SCFD2: variants seen among roughly 807,000 people sequenced by gnomAD.
SCFD2 encodes the protein sec1 family domain-containing protein 2.
In SCFD2, 54 loss-of-function variants were observed where a neutral mutation model predicts 58.9. That is an observed-to-expected ratio of 0.92 (90% confidence interval 0.74 to 1.15). The LOEUF (loss-of-function observed/expected upper bound fraction) is 1.15, where lower values mean the gene tolerates loss of function less well. Among genes scored for constraint, SCFD2 ranks in the 50% most tolerant of loss-of-function variants. The probability of loss-of-function intolerance (pLI) is 0.00; values close to 1 mark genes in which losing one functional copy is unlikely to be tolerated. For missense variants in SCFD2, 805 were observed against 836.6 expected (o/e 0.96, Z 0.47); for synonymous variants, 321 against 335.9 (o/e 0.96, Z 0.49).
intron 4 of SCFD2, among the ~76,000 whole-genome samples, chr4:53,154,455 C>T (rs1282605168): frequency 1.3e-5 from 2 of 152,194 alleles, no homozygotes; most frequent in Non-Finnish European, 1.5e-5. Flanking sequence ...GTGAGGAGGG[C>T]ACCTAGGAAT....
intron 5 of SCFD2, among the ~76,000 whole-genome samples, chr4:53,022,939 G>A (rs1474669829): frequency 6.6e-6 from 1 of 152,120 alleles, no homozygotes; most frequent in Non-Finnish European, 1.5e-5. Context: ...AATGAATGGG[G>A]CGCCAAGGTA....
At position 53,100,822 on chromosome 4, in the gene SCFD2, A is replaced by T. The variant is rs144026920; in HGVS notation, c.1561+44511T>A. ...CTCTTTTTTAGTGAATGTAGGATAT[A>T]ACCAACGTTAGAAGTAAATTGTAAA... On this transcript the variant is annotated intron_variant, in intron 5 of 8. Transcript: ENST00000401642. 1.1e-4 allele frequency among the ~76,000 whole-genome samples: 16 copies of T among 152,288 alleles called. No individual in the cohort carries two copies. The East Asian group carries it at 2.9e-3, about 28-fold the overall frequency.
intron 6 of SCFD2, among the ~76,000 whole-genome samples, chr4:52,915,024 T>A (rs1719570319): frequency 6.6e-6 from 1 of 152,188 alleles, no homozygotes; most frequent in African/African-American, 2.4e-5. Flanking sequence ...TCTTTTGGGG[T>A]GAACATACTG....
At chr4:53,213,849 C>G (rs1728709111) in intron 4 of SCFD2, among the ~76,000 whole-genome samples, 1 of 152,052 alleles carries the variant, frequency 6.6e-6, no homozygotes, top group African/African-American at 2.4e-5. Context: ...TGTTCCGCTT[C>G]CTGTGTCCAT....
intron 4 of SCFD2, among the ~76,000 whole-genome samples, chr4:53,226,903 G>C (rs1297831581): frequency 6.6e-6 from 1 of 152,148 alleles, no homozygotes; most frequent in Non-Finnish European, 1.5e-5. Context: ...TAACACTCTT[G>C]TACAGTTATC....
chr4:53,005,650 G>A (rs753459468), intron 5 of SCFD2, among the ~76,000 whole-genome samples: 15 of 152,012 alleles, frequency 9.9e-5, no homozygotes, highest in Non-Finnish European at 1.3e-4. Context: ...AAGTCCTTTG[G>A]CCCCTTAAAG....
At chr4:52,924,034 A>G (rs948060585) in intron 5 of SCFD2, among the ~76,000 whole-genome samples, 2 of 152,236 alleles carry the variant, frequency 1.3e-5, no homozygotes, top group East Asian at 3.9e-4. Context: ...AAAAGTTACT[A>G]GTTCTAATAT....
chr4:53,110,328 A>G (rs1725133557), intron 5 of SCFD2, among the ~76,000 whole-genome samples: 1 of 152,206 alleles, frequency 6.6e-6, no homozygotes, highest in South Asian at 2.1e-4. Flanking sequence ...GGAGATAGGC[A>G]TGGGCAAAGA....
chr4:53,328,938 G>A (rs6856562), intron 2 of SCFD2, among the ~76,000 whole-genome samples: 4 of 152,106 alleles, frequency 2.6e-5, no homozygotes, highest in South Asian at 2.1e-4. Context: ...CTTGGGAAGC[G>A]CAAGGGGTCA....
intron 3 of SCFD2, among the ~76,000 whole-genome samples, chr4:53,303,287 C>T (rs566232476): frequency 2.0e-5 from 3 of 152,194 alleles, no homozygotes; most frequent in South Asian, 2.1e-4. Context: ...GAAAAGTGGG[C>T]GAAGGATATG....
rs1297662053 is a variant in SCFD2 at position 53,365,854 on chromosome 4, C to A, written c.88G>T (p.Ala30Ser). The A allele has an allele frequency of 1.1e-5, 18 of 1,612,408 alleles. No homozygotes were observed. Among genetic ancestry groups the A allele is most frequent in the Middle Eastern group, 1.6e-4 (1 of 6,076 alleles). ...KVKRAVVYLDAACAESLHWGC... is the reference protein window; with the variant it reads ...KVKRAVVYLDSACAESLHWGC... ...CAGTGCAGGCTCTCGGCGCAGGCGG[C>A]GTCCAGGTAAACCACAGCCCGTTTC... Residue 30 changes from alanine to serine, a missense_variant, in exon 1 of 9, where the codon GCC (alanine) becomes TCC (serine). Ala to Ser is a moderately conservative substitution (Grantham distance 99). Around this residue, in one of 3 missense-constraint regions of SCFD2, gnomAD observed 155 missense variants for 149.7 expected, o/e 1.04. Coordinates refer to ENST00000401642, the MANE Select transcript of SCFD2 (RefSeq NM_152540.4). The surrounding 1 kb of genome is among the most constrained non-coding windows in gnomAD (Gnocchi z 4.3).
intron 5 of SCFD2, among the ~76,000 whole-genome samples, chr4:53,062,579 C>G (rs1723546140): frequency 6.6e-6 from 1 of 152,024 alleles, no homozygotes; most frequent in Non-Finnish European, 1.5e-5. Flanking sequence ...AGTATCATGA[C>G]TTACATACCT....
intron 5 of SCFD2, among the ~76,000 whole-genome samples, chr4:53,097,127 A>G (rs1384939427): frequency 1.3e-5 from 2 of 152,144 alleles, no homozygotes; most frequent in Non-Finnish European, 2.9e-5. Flanking sequence ...GCCTTGTAGT[A>G]TAGTTTGAAG....
chr4:53,329,403 C>T (rs538353217), intron 2 of SCFD2, among the ~76,000 whole-genome samples: 152 of 152,184 alleles, frequency 1.0e-3, no homozygotes, highest in African/African-American at 3.5e-3. Context: ...GATCTCAGAA[C>T]GGGCAGACTG....
rs190662921 is a variant in SCFD2, at chr4:53,083,794, G to A, written c.1561+61539C>T. ...TCAGACCAGCAAGTTTTTATTAAGG[G>A]TTTCAAAAGGGGAGGGGGCGTAAGA... On this transcript the variant is annotated intron_variant, in intron 5 of 8. Coordinates refer to ENST00000401642, the MANE Select transcript of SCFD2 (RefSeq NM_152540.4). Among the ~76,000 whole-genome samples, 10 of 152,260 alleles carry A rather than the reference G, an allele frequency of 6.6e-5. No homozygotes were observed. In the East Asian group the frequency reaches 1.7e-3, roughly 26 times the overall value.
At position 53,365,767 on chromosome 4, in the gene SCFD2, A is replaced by T; in HGVS notation, c.175T>A (p.Phe59Ile). 1 of 1,613,338 alleles carries T rather than the reference A, an allele frequency of 6.2e-7. No homozygotes were observed. Among genetic ancestry groups the T allele is most frequent in the South Asian group, 1.1e-5 (1 of 91,006 alleles). Residue 59 changes from phenylalanine (F) to isoleucine (I), a missense_variant, in exon 1 of 9, where the codon TTC becomes ATC. Transcript: ENST00000401642. The surrounding 1 kb of genome is among the most constrained non-coding windows in gnomAD (Gnocchi z 4.3). ...VGGPDCHLRE[F>I]EPDAIGGGAK... ...CCACCACCAATTGCGTCGGGCTCGA[A>T]CTCTCGCAGGTGACAGTCAGGACCC...
chr4:52,931,341 C>T (rs1264874183), intron 5 of SCFD2, among the ~76,000 whole-genome samples: 2 of 152,110 alleles, frequency 1.3e-5, no homozygotes, highest in South Asian at 2.1e-4. Context: ...GGTGGTAGAG[C>T]CTGGGGAGCT....
chr4:53,056,621 T>G (rs1390641310), intron 5 of SCFD2, among the ~76,000 whole-genome samples: 1 of 152,180 alleles, frequency 6.6e-6, no homozygotes, highest in Non-Finnish European at 1.5e-5. Flanking sequence ...TGAACTGTCA[T>G]GACTTCATTC....
At chr4:53,194,479 C>T (rs1390976694) in intron 4 of SCFD2, among the ~76,000 whole-genome samples, 2 of 152,202 alleles carry the variant, frequency 1.3e-5, no homozygotes, top group Non-Finnish European at 2.9e-5. Flanking sequence ...TGAAAATCCA[C>T]TCTAGTAACA....
Sources: gnomAD v4.1 joint callset for allele counts (sites outside exome capture counted in the v4.1 genomes callset) on GRCh38, gnomAD v4.1.1 for gene constraint, gnomAD v4.1.1 regional missense constraint, Gnocchi (gnomAD v3.1) non-coding constraint, MANE v1.5 for transcripts, NCBI Gene and HGNC (gene_info 2026-07-23, HGNC 2026-07-21) for gene names.